RANBP2: variants seen among roughly 807,000 people sequenced by gnomAD.
RANBP2 encodes the protein E3 SUMO-protein ligase RanBP2.
A neutral mutation model predicts 303.6 loss-of-function variants in RANBP2; 57 were observed. The ratio of observed to expected loss-of-function variants is 0.19; its 90% CI spans 0.15 to 0.23. RANBP2 has a LOEUF of 0.23. Ranked by LOEUF, RANBP2 falls within the 10% of genes least tolerant of loss-of-function variation. RANBP2 has a pLI of 1.00. For missense variants in RANBP2, 3,138 were observed against 3,780.8 expected, an observed-to-expected ratio of 0.83 and a Z score of 4.46; for synonymous variants, 1,167 against 1,301.5, an observed-to-expected ratio of 0.90 and a Z score of 2.23.
At chr2:108,824,014 A>G in the RANBP2 span, among the ~76,000 whole-genome samples, 1 of 152,112 alleles carries the variant, frequency 6.6e-6, no homozygotes, top group Non-Finnish European at 1.5e-5. Flanking sequence ...ACACCTGAAT[A>G]GAGCACTTAA....
At chr2:109,432,425 TC>T in the RANBP2 span, 1 of 1,561,626 alleles carries the variant, frequency 6.4e-7, no homozygotes, top group Non-Finnish European at 8.7e-7. Flanking sequence ...AAAGACAACC[TC>T]CCCCCAGGAA....
At chr2:108,815,461 GTT>G in the RANBP2 span, among the ~76,000 whole-genome samples, 15 of 70,696 alleles carry the variant, frequency 2.1e-4, no homozygotes, top group African/African-American at 7.2e-4. Context: ...GGTTTTTGGT[GTT>G]TTTTTTTTTT....
At chr2:109,615,538 T>G in the RANBP2 span, 1 of 1,613,942 alleles carries the variant, frequency 6.2e-7, no homozygotes, top group Non-Finnish European at 8.5e-7. Context: ...TTGGCAGCCA[T>G]GCACGGCCAC....
At chr2:109,404,671 C>G in the RANBP2 span, among the ~76,000 whole-genome samples, 1 of 152,156 alleles carries the variant, frequency 6.6e-6, no homozygotes, top group Non-Finnish European at 1.5e-5. Flanking sequence ...CCCTCTCCCA[C>G]CGGGTGCCCC....
At chr2:109,264,765 A>G in the RANBP2 span, among the ~76,000 whole-genome samples, 1 of 152,122 alleles carries the variant, frequency 6.6e-6, no homozygotes, top group Non-Finnish European at 1.5e-5. Flanking sequence ...CGGGCATCTC[A>G]TTCTTCTGAG....
the RANBP2 span, among the ~76,000 whole-genome samples, chr2:108,982,285 G>A: frequency 8.5e-5 from 13 of 152,228 alleles, no homozygotes; most frequent in African/African-American, 3.1e-4. Context: ...CACACTGGGA[G>A]AGCTGTTTAC....
chr2:109,229,826 CTTTTTTTT>C, the RANBP2 span, among the ~76,000 whole-genome samples: 2 of 130,000 alleles, frequency 1.5e-5, no homozygotes, highest in Non-Finnish European at 3.3e-5. Flanking sequence ...CTTTTTCTTT[CTTTTTTTT>C]TTTTTTTTGA....
chr2:109,116,967 C>T, the RANBP2 span, among the ~76,000 whole-genome samples: 1 of 152,204 alleles, frequency 6.6e-6, no homozygotes, highest in Admixed American at 6.5e-5. Context: ...ACCTCGAATG[C>T]TGCTGTCTGA....
At chr2:109,141,287 C>G in the RANBP2 span, among the ~76,000 whole-genome samples, 1 of 152,214 alleles carries the variant, frequency 6.6e-6, no homozygotes, top group Non-Finnish European at 1.5e-5. Flanking sequence ...GCAACCAGTG[C>G]TCTGTCGGCT....
the RANBP2 span, chr2:109,565,904 C>G: frequency 6.9e-7 from 1 of 1,457,086 alleles, no homozygotes; most frequent in African/African-American, 1.4e-5. Context: ...ACTGTGATAA[C>G]TGACTAGATA....
the RANBP2 span, among the ~76,000 whole-genome samples, chr2:109,320,126 A>G: frequency 5.3e-5 from 8 of 152,280 alleles, no homozygotes; most frequent in African/African-American, 1.9e-4. Context: ...GTGCTCCTGT[A>G]AAGCCTGTAG....
chr2:109,101,395 C>T, the RANBP2 span, among the ~76,000 whole-genome samples: 5 of 151,958 alleles, frequency 3.3e-5, no homozygotes, highest in South Asian at 6.3e-4. Context: ...GAGGTGGTGG[C>T]GGGCACCTGT....
At chr2:108,991,857 A>C in the RANBP2 span, among the ~76,000 whole-genome samples, 1 of 152,154 alleles carries the variant, frequency 6.6e-6, no homozygotes, top group Non-Finnish European at 1.5e-5. Context: ...CCCAGACTGG[A>C]GTGCAGTAGC....
chr2:109,597,648 T>C, the RANBP2 span, among the ~76,000 whole-genome samples: 2 of 151,958 alleles, frequency 1.3e-5, no homozygotes, highest in East Asian at 3.9e-4. Flanking sequence ...CAAAACCATA[T>C]ATAAATCTAC....
chr2:109,034,408 G>A, the RANBP2 span, among the ~76,000 whole-genome samples: 2 of 152,146 alleles, frequency 1.3e-5, no homozygotes, highest in Admixed American at 6.6e-5. Flanking sequence ...ATGCCCCAGA[G>A]GAAGAGACTG....
chr2:109,057,723 C>T, the RANBP2 span, among the ~76,000 whole-genome samples: 1 of 152,194 alleles, frequency 6.6e-6, no homozygotes, highest in Non-Finnish European at 1.5e-5. Context: ...GCTGAGGGGC[C>T]TGGCTCTGCA....
chr2:109,122,473 G>A, the RANBP2 span, among the ~76,000 whole-genome samples: 1 of 152,230 alleles, frequency 6.6e-6, no homozygotes, highest in Non-Finnish European at 1.5e-5. Context: ...GCCTGTGCAT[G>A]TGGGCACAAG....
the RANBP2 span, among the ~76,000 whole-genome samples, chr2:109,572,912 G>C: frequency 6.6e-6 from 1 of 152,160 alleles, no homozygotes; most frequent in Non-Finnish European, 1.5e-5. Flanking sequence ...ACCATGTCCA[G>C]CCCAACAACC....
chr2:108,837,451 T>C, the RANBP2 span, among the ~76,000 whole-genome samples: 1 of 152,200 alleles, frequency 6.6e-6, no homozygotes, highest in African/African-American at 2.4e-5. Flanking sequence ...TTTAAGACAA[T>C]GGTAGACCGT....
Sources: gnomAD v4.1 joint callset for allele counts (sites outside exome capture counted in the v4.1 genomes callset) on GRCh38, gnomAD v4.1.1 for gene constraint, MANE v1.5 for transcripts, NCBI Gene and HGNC (gene_info 2026-07-23, HGNC 2026-07-21) for gene names.